MRTFB: variants seen among roughly 807,000 people sequenced by gnomAD.
The protein encoded by MRTFB is myocardin related transcription factor B, also known as myocardin-related transcription factor B.
In MRTFB, 29 loss-of-function variants were observed where a neutral mutation model predicts 104.2. The observed-to-expected ratio is 0.28, with a 90% CI of 0.21 to 0.38. The LOEUF is 0.38. Ranked by LOEUF, MRTFB falls within the 10% of genes least tolerant of loss-of-function variation. MRTFB has a pLI of 1.00. For missense variants in MRTFB, 1,270 were observed against 1,341.6 expected, an observed-to-expected ratio of 0.95 and a Z score of 0.83; for synonymous variants, 535 against 519.5, an observed-to-expected ratio of 1.03 and a Z score of -0.41.
chr16:14,245,386 A>T (rs754038816), intron 10 of MRTFB, 142 bp from the exon 11 acceptor site: 1 of 662,642 alleles, frequency 1.5e-6, no homozygotes, highest in Non-Finnish European at 2.4e-6. Flanking sequence ...ATCTAATGTA[A>T]TTGGCATCTT....
At chr16:14,003,984 G>A in the MRTFB span, among the ~76,000 whole-genome samples, 8 of 152,186 alleles carry the variant, frequency 5.3e-5, no homozygotes, top group African/African-American at 1.9e-4. Context: ...AGTCTGTGGA[G>A]GAGAGCCAAG....
chr16:14,034,992 G>T, the MRTFB span, among the ~76,000 whole-genome samples: 1 of 152,154 alleles, frequency 6.6e-6, no homozygotes, highest in Non-Finnish European at 1.5e-5. Context: ...CCCGGGGAGG[G>T]TATGTCTATG....
intron 7 of MRTFB, among the ~76,000 whole-genome samples, chr16:14,217,605 T>C (rs1226299922): frequency 6.6e-6 from 1 of 152,182 alleles, no homozygotes; most frequent in Non-Finnish European, 1.5e-5. Flanking sequence ...TGACTACAAA[T>C]TGCCTAAGCT....
the MRTFB span, among the ~76,000 whole-genome samples, chr16:14,026,583 G>A: frequency 1.3e-5 from 2 of 152,148 alleles, no homozygotes; most frequent in African/African-American, 4.8e-5. Context: ...TAGTTTTAAT[G>A]AAAGAGCCAG....
At chr16:14,111,486 T>C (rs1416468093) in intron 2 of MRTFB, among the ~76,000 whole-genome samples, 1 of 152,192 alleles carries the variant, frequency 6.6e-6, no homozygotes, top group Non-Finnish European at 1.5e-5. Flanking sequence ...AATAAAGAAC[T>C]TCAGAAACAT....
chr16:14,248,101 A>C (rs2043101641), intron 12 of MRTFB: 1 of 152,784 alleles, frequency 6.5e-6, no homozygotes, highest in Admixed American at 6.5e-5. Context: ...ATGACCACAA[A>C]TTTAGGAGTG....
chr16:14,255,806 C>T (rs115632813), intron 15 of MRTFB, among the ~76,000 whole-genome samples: 1,851 of 149,492 alleles, frequency 0.012, 49 homozygotes, highest in African/African-American at 0.045. Flanking sequence ...TTCAAGATAG[C>T]TTTTAAAAAA....
intron 10 of MRTFB, chr16:14,240,813 C>G (rs1349346377): frequency 2.8e-6 from 2 of 714,580 alleles, no homozygotes; most frequent in African/African-American, 3.5e-5. Flanking sequence ...TAATACCTGG[C>G]ATAAACAGCT....
chr16:14,251,433 A>G (rs1185212926), intron 13 of MRTFB, among the ~76,000 whole-genome samples: 1 of 151,802 alleles, frequency 6.6e-6, no homozygotes, highest in Non-Finnish European at 1.5e-5. Flanking sequence ...CTTAGAGAGG[A>G]ATAGAAGAAA....
At chr16:14,093,597 A>G (rs541056577) in intron 2 of MRTFB, among the ~76,000 whole-genome samples, 1 of 152,360 alleles carries the variant, frequency 6.6e-6, no homozygotes, top group South Asian at 2.1e-4. Flanking sequence ...ATCATTTAAA[A>G]AAACAGATTT....
intron 2 of MRTFB, among the ~76,000 whole-genome samples, chr16:14,087,661 A>G (rs1441313245): frequency 6.6e-6 from 1 of 152,254 alleles, no homozygotes; most frequent in Admixed American, 6.5e-5. Flanking sequence ...AATATACTTC[A>G]GTCTGCTCTA....
At chr16:14,229,988 AG>A (rs1396365563) in intron 8 of MRTFB, among the ~76,000 whole-genome samples, 2 of 152,274 alleles carry the variant, frequency 1.3e-5, no homozygotes, top group African/African-American at 4.8e-5. Context: ...AGGTCTCGGC[AG>A]CAATTTAAAC....
chr16:14,005,955 C>T, the MRTFB span, among the ~76,000 whole-genome samples: 1 of 152,088 alleles, frequency 6.6e-6, no homozygotes, highest in Non-Finnish European at 1.5e-5. Context: ...TGCCTGTAAT[C>T]CCAGCACTTT....
chr16:14,013,500 T>G, the MRTFB span: 1 of 152,238 alleles, frequency 6.6e-6, no homozygotes, highest in Admixed American at 6.5e-5. Context: ...AAATACTGTG[T>G]ACCCTGACTG....
chr16:14,119,590 T>A (rs78402478), intron 2 of MRTFB, among the ~76,000 whole-genome samples: 3,052 of 152,242 alleles, frequency 0.02, 50 homozygotes, highest in Admixed American at 0.037. Flanking sequence ...CTTTGCAAGG[T>A]GGGAACAAGG....
intron 3 of MRTFB, among the ~76,000 whole-genome samples, chr16:14,202,881 C>G (rs2040770245): frequency 6.6e-6 from 1 of 152,206 alleles, no homozygotes; most frequent in Non-Finnish European, 1.5e-5. Context: ...TATGAGGAAG[C>G]TGGCTTTTCT....
chr16:14,035,432 G>A, the MRTFB span, among the ~76,000 whole-genome samples: 1 of 152,146 alleles, frequency 6.6e-6, no homozygotes. Flanking sequence ...AATTTATCCG[G>A]CCTTGGTGCA....
chr16:14,125,807 T>C (rs2037079236), intron 2 of MRTFB, among the ~76,000 whole-genome samples: 1 of 152,190 alleles, frequency 6.6e-6, no homozygotes, highest in African/African-American at 2.4e-5. Flanking sequence ...CATCTTTATC[T>C]GAAAAATATT....
intron 9 of MRTFB, among the ~76,000 whole-genome samples, chr16:14,237,114 T>C (rs553253389): frequency 1.3e-5 from 2 of 152,174 alleles, no homozygotes; most frequent in East Asian, 1.9e-4. Context: ...GCTGGATAGA[T>C]GAGTGCAGAC....
Sources: gnomAD v4.1 joint callset for allele counts (sites outside exome capture counted in the v4.1 genomes callset) on GRCh38, gnomAD v4.1.1 for gene constraint, MANE v1.5 for transcripts, NCBI Gene and HGNC (gene_info 2026-07-23, HGNC 2026-07-21) for gene names.